EPG5: variants seen among roughly 807,000 people sequenced by gnomAD.
The protein encoded by EPG5 is ectopic P-granules 5 autophagy tethering factor, also known as ectopic P granules protein 5 homolog.
In EPG5, 159 loss-of-function variants were observed where a neutral mutation model predicts 302.7. The ratio of observed to expected loss-of-function variants is 0.53; its 90% CI spans 0.46 to 0.60. The LOEUF is 0.60. EPG5 is among the 20% of genes least tolerant of loss of function. The pLI is 0.00. For synonymous variants in EPG5, 1,158 were observed against 1,136.8 expected (o/e 1.02, Z -0.37); for missense variants, 2,896 against 3,092.4 (o/e 0.94, Z 1.51).
chr18:45,943,044 A>G, intron 9 of EPG5, 117 bp downstream of exon 9: 2 of 995,694 alleles, frequency 2.0e-6, no homozygotes, highest in Non-Finnish European at 2.9e-6. Flanking sequence ...AATCTTAACT[A>G]TTACGAGAAA....
At chr18:45,862,790 C>G (rs1379841896) in intron 39 of EPG5, among the ~76,000 whole-genome samples, 5 of 152,162 alleles carry the variant, frequency 3.3e-5, no homozygotes, top group African/African-American at 1.2e-4. Flanking sequence ...TATAAATCAC[C>G]CAGTGTTGGG....
chr18:45,810,023 A>C, the EPG5 span, among the ~76,000 whole-genome samples: 8 of 152,330 alleles, frequency 5.3e-5, no homozygotes, highest in South Asian at 1.7e-3. Flanking sequence ...TAAGAAATGA[A>C]ATGGGAGATA....
At chr18:45,923,795 A>G (rs1206155370) in intron 14 of EPG5, among the ~76,000 whole-genome samples, 1 of 152,192 alleles carries the variant, frequency 6.6e-6, no homozygotes, top group Admixed American at 6.5e-5. Context: ...TTGGGAAGCC[A>G]AGACAGACAG....
At chr18:45,805,351 T>C in the EPG5 span, among the ~76,000 whole-genome samples, 74 of 150,988 alleles carry the variant, frequency 4.9e-4, no homozygotes, top group African/African-American at 1.7e-3. Flanking sequence ...GTGAGAGGTA[T>C]ACAGGAACTC....
chr18:45,867,043 C>T, intron 37 of EPG5, 36 bp from the exon 38 acceptor site: 9 of 1,542,104 alleles, frequency 5.8e-6, no homozygotes, highest in Non-Finnish European at 8.0e-6. Context: ...AGTTCCAGAG[C>T]CCCAATTTTT....
chr18:45,894,199 C>G (rs1033207542), intron 27 of EPG5, among the ~76,000 whole-genome samples: 2 of 152,098 alleles, frequency 1.3e-5, no homozygotes, highest in Admixed American at 6.6e-5. Context: ...GTGGCTTACA[C>G]CTGTAATCCT....
intron 16 of EPG5, among the ~76,000 whole-genome samples, chr18:45,919,911 T>C (rs556271866): frequency 6.6e-6 from 1 of 152,326 alleles, no homozygotes; most frequent in Non-Finnish European, 1.5e-5. Context: ...AAGCCGTTAA[T>C]AACACTAGAG....
intron 4 of EPG5, among the ~76,000 whole-genome samples, chr18:45,950,701 G>C (rs1396628540): frequency 6.6e-6 from 1 of 152,184 alleles, no homozygotes; most frequent in African/African-American, 2.4e-5. Context: ...TAAGTACTTA[G>C]GTGTGGAATT....
At chr18:45,837,075 C>G in the EPG5 span, 1 of 1,609,132 alleles carries the variant, frequency 6.2e-7, no homozygotes, top group East Asian at 2.2e-5. Flanking sequence ...ACTTGCTCAA[C>G]ACAGAGGTGC....
chr18:45,812,396 T>G, the EPG5 span, among the ~76,000 whole-genome samples: 1 of 152,162 alleles, frequency 6.6e-6, no homozygotes, highest in Non-Finnish European at 1.5e-5. Context: ...ATGACTTTCT[T>G]CACAGAATTG....
At chr18:45,802,384 A>G in the EPG5 span, among the ~76,000 whole-genome samples, 966 of 152,214 alleles carry the variant, frequency 6.3e-3, 9 homozygotes, top group African/African-American at 0.022. Context: ...GCCGGGCATG[A>G]TGGCATGCAC....
At chr18:45,839,075 G>A in the EPG5 span, 20 of 1,441,248 alleles carry the variant, frequency 1.4e-5, no homozygotes, top group East Asian at 8.7e-5. Flanking sequence ...CTGGCCGCCC[G>A]CGCTGCCCGC....
At chr18:45,802,946 G>A in the EPG5 span, among the ~76,000 whole-genome samples, 5 of 152,278 alleles carry the variant, frequency 3.3e-5, no homozygotes, top group Non-Finnish European at 7.4e-5. Flanking sequence ...AAGGCATAGT[G>A]AGTCACTCAC....
chr18:45,825,820 G>T, the EPG5 span: 5 of 1,612,006 alleles, frequency 3.1e-6, no homozygotes, highest in African/African-American at 6.7e-5. Context: ...GCTCGGGACA[G>T]AATAGATGCT....
chr18:45,940,842 G>C (rs559837426), intron 9 of EPG5, among the ~76,000 whole-genome samples: 2 of 152,312 alleles, frequency 1.3e-5, no homozygotes, highest in South Asian at 4.1e-4. Context: ...CAGGTGTTTT[G>C]GCCTGAGAAA....
the EPG5 span, among the ~76,000 whole-genome samples, chr18:45,836,004 C>T: frequency 2.6e-5 from 4 of 152,188 alleles, no homozygotes; most frequent in East Asian, 1.9e-4. Context: ...AGAACAATGG[C>T]GGTCCTGTGG....
At chr18:45,909,279 G>A (rs1022224747) in intron 23 of EPG5, among the ~76,000 whole-genome samples, 6 of 152,308 alleles carry the variant, frequency 3.9e-5, no homozygotes, top group South Asian at 2.1e-4. Flanking sequence ...CATACCAGGA[G>A]GGGGATATAA....
chr18:45,880,217 G>T lies in EPG5; in HGVS notation c.5525C>A (p.Ala1842Glu). ...DILRLLMQSS[A>E]EQLLSPECWK... The stretch of plus-strand genomic sequence containing the variant: ...ACACTCGGGGCTCAGAAGCTGCTCC[G>T]CGGAGCCTGCCAGCAGGGACAGGAA... The change falls in exon 32 of 44, where the codon GCG (alanine) becomes GAG (glutamate). Residue 1842 changes from alanine (A) to glutamate (E), a missense_variant. Coordinates refer to ENST00000282041, the MANE Select transcript of EPG5 (RefSeq NM_020964.3). The T allele has an allele frequency of 6.3e-7, 1 of 1,594,484 alleles. No individual in the cohort carries two copies. Among genetic ancestry groups the T allele is most frequent in the African/African-American group, 1.3e-5 (1 of 74,366 alleles).
In EPG5 at chr18:45,858,739, G is replaced by A. The variant is rs2048569469; in HGVS notation, c.7053C>T (p.Ser2351=). The change falls in exon 41 of 44, where the codon TCC becomes TCT. Residue 2351 remains serine (S), a synonymous_variant. Coordinates refer to ENST00000282041, the MANE Select transcript of EPG5 (RefSeq NM_020964.3). ...CCATGGTGAGCTCGGGAACCTGAAGGGATACCAGAATGGGTCCCCATCCTG... is the reference window on the plus strand; with the variant it reads ...CCATGGTGAGCTCGGGAACCTGAAGAGATACCAGAATGGGTCCCCATCCTG... ...QNSGWGPILV[S]LQVPELTMEE... 1.2e-6 allele frequency: 2 copies of A among 1,614,030 alleles called. No individual in the cohort carries two copies. Among genetic ancestry groups the A allele is most frequent in the Non-Finnish European group, 1.7e-6 (2 of 1,180,022 alleles).
Sources: gnomAD v4.1 joint callset for allele counts (sites outside exome capture counted in the v4.1 genomes callset) on GRCh38, gnomAD v4.1.1 for gene constraint, MANE v1.5 for transcripts, NCBI Gene and HGNC (gene_info 2026-07-23, HGNC 2026-07-21) for gene names.